Variants in HSPA12A observed in about 807,000 individuals in gnomAD.
The protein encoded by HSPA12A is heat shock 70 kDa protein 12A.
Under a neutral mutation model 69.2 loss-of-function variants are expected in HSPA12A, and 28 were observed. The ratio of observed to expected loss-of-function variants is 0.40; its 90% CI spans 0.30 to 0.55. The LOEUF is 0.55. HSPA12A is among the 20% of genes least tolerant of loss of function. HSPA12A has a pLI of 0.38. For missense variants in HSPA12A, 686 were observed against 900.7 expected, an observed-to-expected ratio of 0.76 and a Z score of 3.05; for synonymous variants, 345 against 370.5, an observed-to-expected ratio of 0.93 and a Z score of 0.79.
upstream of HSPA12A, among the ~76,000 whole-genome samples, chr10:116,745,398 G>A (rs1411606062): frequency 1.3e-5 from 2 of 152,134 alleles, no homozygotes; most frequent in Non-Finnish European, 2.9e-5. Context: ...GTTCCCTCAA[G>A]CTCCCCTCCA....
rs1851542560 is a variant in HSPA12A at position 116,742,419 on chromosome 10, C to G, written c.40+11G>C. 1 of 1,434,222 alleles carries G rather than the reference C, an allele frequency of 7.0e-7. No individual in the cohort carries two copies. Among genetic ancestry groups the G allele is most frequent in the South Asian group, 1.3e-5 (1 of 75,296 alleles). The allele number at this position is 1,434,222 out of a possible 1,614,324, so 88.8% of individuals were successfully genotyped here. A position where few individuals can be genotyped will look rare whatever the true frequency, so the allele number is the denominator to read the frequency against. Reference sequence around the variant, plus strand: ...CCAGCCGCGGCCGCAGGACCCGCAGCCTGCGCTCACCTCGGGGCCCGTCGC... The same window carrying G: ...CCAGCCGCGGCCGCAGGACCCGCAGGCTGCGCTCACCTCGGGGCCCGTCGC... On this transcript the variant is annotated intron_variant, in intron 1 of 11. Coordinates refer to ENST00000369209, the MANE Select transcript of HSPA12A (RefSeq NM_025015.3).
At chr10:116,755,853 T>A (rs1843834893) in intron 2 of HSPA12A, among the ~76,000 whole-genome samples, 1 of 148,748 alleles carries the variant, frequency 6.7e-6, no homozygotes, top group Non-Finnish European at 1.5e-5. Context: ...GAGCCAGGCG[T>A]GGTGGGGCAC....
chr10:116,679,873 G>A (rs1407410375), intron 9 of HSPA12A, 112 bp from the exon 10 acceptor site: 7 of 1,081,576 alleles, frequency 6.5e-6, no homozygotes, highest in East Asian at 2.4e-5. Flanking sequence ...GCAATGGGAC[G>A]GCAGCTATAA....
intron 2 of HSPA12A, chr10:116,751,167 G>T: frequency 4.4e-6 from 1 of 227,860 alleles, no homozygotes; most frequent in South Asian, 8.2e-5. Flanking sequence ...GGTGACAATG[G>T]CAAAACTGTC....
intron 1 of HSPA12A, among the ~76,000 whole-genome samples, chr10:116,845,069 G>T (rs1378985154): frequency 6.6e-6 from 1 of 152,088 alleles, no homozygotes; most frequent in Admixed American, 6.5e-5. Flanking sequence ...CAGTTCAGGG[G>T]TTCTCTAAAA....
chr10:116,822,098 T>C (rs1845417187), intron 2 of HSPA12A, among the ~76,000 whole-genome samples: 1 of 152,394 alleles, frequency 6.6e-6, no homozygotes, highest in African/African-American at 2.4e-5. Context: ...GTAAAGTAAG[T>C]AGTACACTTG....
At chr10:116,778,891 C>T (rs1844400683) in intron 2 of HSPA12A, among the ~76,000 whole-genome samples, 1 of 152,194 alleles carries the variant, frequency 6.6e-6, no homozygotes, top group Non-Finnish European at 1.5e-5. Flanking sequence ...GCTGTGACTG[C>T]ACCATTGCAC....
At chr10:116,756,527 C>T (rs1257967250) in intron 2 of HSPA12A, among the ~76,000 whole-genome samples, 2 of 152,214 alleles carry the variant, frequency 1.3e-5, no homozygotes, top group African/African-American at 4.8e-5. Flanking sequence ...AGCCTGCTCG[C>T]CTTGGCACAC....
intron 2 of HSPA12A, among the ~76,000 whole-genome samples, chr10:116,783,562 G>C (rs1272204940): frequency 6.6e-6 from 1 of 152,170 alleles, no homozygotes; most frequent in Non-Finnish European, 1.5e-5. Flanking sequence ...CCCCACCCCA[G>C]TCCACTCTCT....
rs781955087 is a variant in HSPA12A at position 116,676,421 on chromosome 10, G to C, written c.1368C>G (p.Ile456Met). 6.2e-7 allele frequency: 1 copy of C among 1,613,746 alleles called. No homozygotes were observed. The highest frequency in any genetic ancestry group is 8.5e-7 in the Non-Finnish European group (1 of 1,179,946). ...TACGGAGATGCTCAATGATGCTATCGATGGTCGGCTTAAAAAGGGCGTTCA... is the reference window on the plus strand; with the variant it reads ...TACGGAGATGCTCAATGATGCTATCCATGGTCGGCTTAAAAAGGGCGTTCA... The part of the protein sequence containing the change: ...DAMNALFKPT[I>M]DSIIEHLRDL... Residue 456 changes from isoleucine (I) to methionine (M), a missense_variant, in exon 11 of 12, where the codon ATC becomes ATG. Transcript: ENST00000369209.
At chr10:116,687,955 T>C (rs1321106176) in intron 6 of HSPA12A, among the ~76,000 whole-genome samples, 1 of 152,158 alleles carries the variant, frequency 6.6e-6, no homozygotes, top group Non-Finnish European at 1.5e-5. Context: ...CCAACACAAA[T>C]TTGTAAACTT....
chr10:116,800,133 G>A (rs945611817), intron 2 of HSPA12A, among the ~76,000 whole-genome samples: 1 of 152,184 alleles, frequency 6.6e-6, no homozygotes, highest in Non-Finnish European at 1.5e-5. Flanking sequence ...GATACCATGG[G>A]CAACTGGCTT....
chr10:116,720,473 T>G (rs1246310122), intron 1 of HSPA12A, among the ~76,000 whole-genome samples: 1 of 152,168 alleles, frequency 6.6e-6, no homozygotes, highest in Non-Finnish European at 1.5e-5. Flanking sequence ...CAGCTGCAGT[T>G]TCACTCTTCC....
Position 116,681,272 on chromosome 10 carries a change from C to G in HSPA12A, c.923-16G>C. The G allele has an allele frequency of 6.2e-7, 1 of 1,603,010 alleles. No individual in the cohort carries two copies. The highest frequency in any genetic ancestry group is 8.5e-7 in the Non-Finnish European group (1 of 1,170,342). On this transcript the variant is annotated splice_polypyrimidine_tract_variant and intron_variant, in intron 8 of 11. Transcript: ENST00000369209. Reference sequence around the variant, plus strand: ...TACTTATCACCTGGCACAAAAACAGCCATCTTTTACACAGACTGTTTGCCA... The same window carrying G: ...TACTTATCACCTGGCACAAAAACAGGCATCTTTTACACAGACTGTTTGCCA...
intron 10 of HSPA12A, among the ~76,000 whole-genome samples, chr10:116,678,585 T>TG (rs1392938853): frequency 2.0e-4 from 4 of 20,190 alleles, no homozygotes; most frequent in Non-Finnish European, 4.2e-4. Context: ...TGGTACAAAG[T>TG]GAAAAAAAAA....
intron 1 of HSPA12A, among the ~76,000 whole-genome samples, chr10:116,728,537 C>G (rs184167454): frequency 2.0e-5 from 3 of 152,294 alleles, no homozygotes; most frequent in Admixed American, 1.3e-4. Flanking sequence ...CGAATGTAGG[C>G]TTCAAGCATC....
At chr10:116,820,103 G>A (rs1327056791) in intron 2 of HSPA12A, among the ~76,000 whole-genome samples, 4 of 152,292 alleles carry the variant, frequency 2.6e-5, no homozygotes, top group South Asian at 2.1e-4. Context: ...GATTACCAGC[G>A]TGAGTCACTG....
intron 1 of HSPA12A, among the ~76,000 whole-genome samples, chr10:116,715,874 C>T (rs994634940): frequency 6.6e-6 from 1 of 152,162 alleles, no homozygotes; most frequent in Non-Finnish European, 1.5e-5. Context: ...GGTTTTGGAC[C>T]TGGGTCTCAG....
chr10:116,685,163 G>A (rs1213358285), intron 6 of HSPA12A, among the ~76,000 whole-genome samples: 1 of 152,160 alleles, frequency 6.6e-6, no homozygotes, highest in Non-Finnish European at 1.5e-5. Flanking sequence ...AAGGCCTCAA[G>A]TTCTGTATCA....
Sources: gnomAD v4.1 joint callset for allele counts (sites outside exome capture counted in the v4.1 genomes callset) on GRCh38, gnomAD v4.1.1 for gene constraint, MANE v1.5 for transcripts, NCBI Gene and HGNC (gene_info 2026-07-23, HGNC 2026-07-21) for gene names.